The following AFF3 variants were observed in gnomAD, a reference collection of about 807,000 sequenced individuals.
The protein encoded by AFF3 is ALF transcription elongation factor 3.
Under a neutral mutation model 129.7 loss-of-function variants are expected in AFF3, and 32 were observed. The observed-to-expected ratio is 0.25, with a 90% CI of 0.19 to 0.33. The LOEUF (loss-of-function observed/expected upper bound fraction) is 0.33, where lower values mean the gene tolerates loss of function less well. Among genes scored for constraint, AFF3 ranks in the 10% least tolerant of loss-of-function variants. The pLI is 1.00. For synonymous variants in AFF3, 644 were observed against 635.4 expected (o/e 1.01, Z -0.20); for missense variants, 1,373 against 1,592.0 (o/e 0.86, Z 2.34).
rs376264985 is a variant in AFF3 at position 99,984,571 on chromosome 2, G to A, written c.873+22061C>T. ...AAAAACATGCTACAGCTCTAAGAAC[G>A]TAAAAATAATGGAATAGAAATGGAA... On this transcript the variant is annotated intron_variant, in intron 7 of 24. Coordinates refer to ENST00000672756, the MANE Select transcript of AFF3 (RefSeq NM_001386135.1). Among the ~76,000 whole-genome samples the A allele has an allele frequency of 3.3e-5, 5 of 152,030 alleles. No homozygotes were observed. The South Asian group carries it at 8.3e-4, about 25-fold the overall frequency.
intron 12 of AFF3, among the ~76,000 whole-genome samples, chr2:99,671,399 T>C (rs1009516844): frequency 1.3e-5 from 2 of 152,204 alleles, no homozygotes; most frequent in African/African-American, 4.8e-5. Flanking sequence ...ATTCTCCACC[T>C]GCCAATCTGG....
intron 8 of AFF3, among the ~76,000 whole-genome samples, chr2:99,816,185 A>T (rs983252611): frequency 2.6e-5 from 4 of 151,788 alleles, no homozygotes; most frequent in Admixed American, 6.6e-5. Context: ...CATTTTAAAA[A>T]TTTTTTATTT....
chr2:100,042,260 G>C (rs993446042), intron 4 of AFF3, among the ~76,000 whole-genome samples: 1 of 152,176 alleles, frequency 6.6e-6, no homozygotes, highest in East Asian at 1.9e-4. Context: ...ACCCCACAGA[G>C]GGCCCTCCGC....
At chr2:100,116,134 A>G (rs1399209168) in intron 2 of AFF3, among the ~76,000 whole-genome samples, 1 of 152,188 alleles carries the variant, frequency 6.6e-6, no homozygotes, top group Non-Finnish European at 1.5e-5. Flanking sequence ...AAAAATCTAC[A>G]TATCTCATAC....
chr2:100,062,440 G>C (rs1051987696), intron 4 of AFF3, among the ~76,000 whole-genome samples: 1 of 152,176 alleles, frequency 6.6e-6, no homozygotes, highest in African/African-American at 2.4e-5. Flanking sequence ...GGGGCAAAAA[G>C]GAAAAGGAAC....
intron 2 of AFF3, among the ~76,000 whole-genome samples, chr2:100,122,516 G>T (rs922478948): frequency 2.0e-5 from 3 of 152,186 alleles, no homozygotes; most frequent in Admixed American, 6.5e-5. Flanking sequence ...AGAGATGGTC[G>T]CAGCAGAGAG....
chr2:99,835,053 G>A (rs977500625), intron 8 of AFF3, among the ~76,000 whole-genome samples: 3 of 151,920 alleles, frequency 2.0e-5, no homozygotes, highest in Admixed American at 1.3e-4. Context: ...TATGATTTCC[G>A]CCCTTCCCGC....
intron 12 of AFF3, among the ~76,000 whole-genome samples, chr2:99,653,792 A>T (rs952151526): frequency 6.7e-6 from 1 of 148,602 alleles, no homozygotes; most frequent in Non-Finnish European, 1.5e-5. Context: ...TTGATTCTTC[A>T]CTCTTCCAAT....
chr2:100,054,370 T>C (rs1686598663), intron 4 of AFF3, among the ~76,000 whole-genome samples: 1 of 152,226 alleles, frequency 6.6e-6, no homozygotes. Flanking sequence ...GTAAAGCAGG[T>C]TGCCCTCCCT....
At chr2:99,644,298 C>G (rs1191573275) in intron 13 of AFF3, among the ~76,000 whole-genome samples, 3 of 152,198 alleles carry the variant, frequency 2.0e-5, no homozygotes, top group African/African-American at 7.2e-5. Context: ...CTGTGCCCTC[C>G]AAGTGCCATC....
chr2:99,722,634 GAA>G (rs1183084513), intron 11 of AFF3, among the ~76,000 whole-genome samples: 1 of 152,204 alleles, frequency 6.6e-6, no homozygotes, highest in African/African-American at 2.4e-5. Flanking sequence ...GGCAGCAGCT[GAA>G]AAGAGTCTCT....
At chr2:99,997,102 G>A (rs1420242551) in intron 7 of AFF3, among the ~76,000 whole-genome samples, 1 of 152,068 alleles carries the variant, frequency 6.6e-6, no homozygotes, top group African/African-American at 2.4e-5. Flanking sequence ...ATGACATCCA[G>A]GTTCAAGGCA....
intron 7 of AFF3, among the ~76,000 whole-genome samples, chr2:99,925,216 A>G (rs1696139419): frequency 6.6e-6 from 1 of 152,150 alleles, no homozygotes; most frequent in African/African-American, 2.4e-5. Context: ...AGCATGAAGT[A>G]TAAATGACTA....
intron 7 of AFF3, among the ~76,000 whole-genome samples, chr2:99,928,987 A>T (rs1242343594): frequency 6.6e-6 from 1 of 152,232 alleles, no homozygotes; most frequent in African/African-American, 2.4e-5. Flanking sequence ...GTCTAGAAGG[A>T]AATACTGTAG....
intron 11 of AFF3, among the ~76,000 whole-genome samples, chr2:99,695,514 G>A (rs1245663418): frequency 6.6e-6 from 1 of 152,096 alleles, no homozygotes; most frequent in African/African-American, 2.4e-5. Context: ...CCCTTAAACT[G>A]CAGGGGAAAA....
At chr2:99,866,043 A>G (rs1691368861) in intron 7 of AFF3, among the ~76,000 whole-genome samples, 1 of 152,254 alleles carries the variant, frequency 6.6e-6, no homozygotes, top group Non-Finnish European at 1.5e-5. Flanking sequence ...AGAAATAAAC[A>G]GGGCTACCTT....
intron 16 of AFF3, 31 bp downstream of exon 16, chr2:99,587,123 C>A (rs1422700349): frequency 6.2e-7 from 1 of 1,613,008 alleles, no homozygotes; most frequent in Admixed American, 1.7e-5. Flanking sequence ...ATCTCTCCAG[C>A]TCACTTCCAC....
chr2:99,653,592 G>C (rs1314762259), intron 12 of AFF3, among the ~76,000 whole-genome samples: 1 of 152,204 alleles, frequency 6.6e-6, no homozygotes, highest in Non-Finnish European at 1.5e-5. Flanking sequence ...TAGGAATTGA[G>C]GCATCCCAGT....
intron 8 of AFF3, among the ~76,000 whole-genome samples, chr2:99,772,685 T>C (rs1683586998): frequency 6.6e-6 from 1 of 152,106 alleles, no homozygotes; most frequent in South Asian, 2.1e-4. Context: ...TATTTCAGAG[T>C]TAAACAACCA....
Sources: gnomAD v4.1 joint callset for allele counts (sites outside exome capture counted in the v4.1 genomes callset) on GRCh38, gnomAD v4.1.1 for gene constraint, MANE v1.5 for transcripts, NCBI Gene and HGNC (gene_info 2026-07-23, HGNC 2026-07-21) for gene names.